Variants in SFXN1 observed in about 807,000 individuals in gnomAD.
The protein encoded by SFXN1 is sideroflexin 1.
SFXN1 carries 32 observed loss-of-function variants against 39.5 expected under a neutral mutation model. The observed-to-expected ratio is 0.81, with a 90% CI of 0.61 to 1.09. SFXN1 has a LOEUF of 1.09. SFXN1 is among the 50% of genes least tolerant of loss of function. SFXN1 has a pLI of 0.00. For synonymous variants in SFXN1, 136 were observed against 146.5 expected (o/e 0.93, Z 0.52); for missense variants, 402 against 407.1 (o/e 0.99, Z 0.11).
intron 9 of SFXN1, 103 bp downstream of exon 9, chr5:175,522,071 GC>G: frequency 2.1e-6 from 2 of 962,240 alleles, no homozygotes; most frequent in South Asian, 1.7e-5. Flanking sequence ...TGAAAATGAG[GC>G]CATCTCAGAA....
At chr5:175,502,223 G>T (rs1587177) in intron 2 of SFXN1, among the ~76,000 whole-genome samples, 8,330 of 152,190 alleles carry the variant, frequency 0.055, 752 homozygotes, top group African/African-American at 0.19. Context: ...AATTTGGGGA[G>T]GTTCAGATTC....
At chr5:175,524,943 A>G (rs1249806388) in intron 10 of SFXN1, among the ~76,000 whole-genome samples, 1 of 152,246 alleles carries the variant, frequency 6.6e-6, no homozygotes, top group African/African-American at 2.4e-5. Context: ...CAAAGCTGAA[A>G]AATTAGAAAG....
intron 1 of SFXN1, among the ~76,000 whole-genome samples, chr5:175,481,468 C>T (rs901071184): frequency 3.3e-5 from 5 of 152,170 alleles, no homozygotes; most frequent in Non-Finnish European, 5.9e-5. Flanking sequence ...ATTGCAGGTG[C>T]GTGCCACCAT....
intron 10 of SFXN1, chr5:175,523,662 A>T (rs1760947226): frequency 6.6e-6 from 1 of 152,188 alleles, no homozygotes; most frequent in Non-Finnish European, 1.5e-5. Flanking sequence ...CAAGAAATAA[A>T]ATATAGCCCA....
At chr5:175,489,685 C>T (rs1318310977) in intron 1 of SFXN1, among the ~76,000 whole-genome samples, 1 of 152,090 alleles carries the variant, frequency 6.6e-6, no homozygotes, top group Non-Finnish European at 1.5e-5. Context: ...GGTTCTGATC[C>T]AGTGGAACAC....
intron 2 of SFXN1, among the ~76,000 whole-genome samples, chr5:175,506,364 G>A (rs1289290252): frequency 6.6e-6 from 1 of 151,782 alleles, no homozygotes; most frequent in African/African-American, 2.4e-5. Context: ...AAATAACAAT[G>A]ATGCTGCTGT....
intron 2 of SFXN1, among the ~76,000 whole-genome samples, chr5:175,498,981 G>A (rs916994490): frequency 5.9e-5 from 9 of 152,150 alleles, no homozygotes; most frequent in Non-Finnish European, 1.0e-4. Context: ...CCAGCCAGGC[G>A]CAATGGCTCA....
intron 4 of SFXN1, among the ~76,000 whole-genome samples, chr5:175,511,079 A>T (rs973861613): frequency 1.3e-5 from 2 of 152,212 alleles, no homozygotes; most frequent in South Asian, 2.1e-4. Flanking sequence ...ATTTTTAAGC[A>T]AATATGCCCC....
At chr5:175,479,341 T>C (rs1759145323) in intron 1 of SFXN1, among the ~76,000 whole-genome samples, 3 of 152,298 alleles carry the variant, frequency 2.0e-5, no homozygotes, top group African/African-American at 2.4e-5. Flanking sequence ...TACTGGGTGT[T>C]GGCTCTATAA....
chr5:175,496,140 C>T (rs977535448), intron 2 of SFXN1, among the ~76,000 whole-genome samples: 4 of 151,968 alleles, frequency 2.6e-5, no homozygotes, highest in Admixed American at 6.6e-5. Flanking sequence ...TCAAGTGATC[C>T]GCCCTCCTCA....
intron 1 of SFXN1, among the ~76,000 whole-genome samples, chr5:175,482,735 G>A (rs1759298238): frequency 6.6e-6 from 1 of 152,200 alleles, no homozygotes; most frequent in Non-Finnish European, 1.5e-5. Context: ...ATAGATGACA[G>A]AATTGAGGCT....
At chr5:175,513,655 C>T (rs935767676) in intron 7 of SFXN1, 65 bp downstream of exon 7, 12 of 1,566,100 alleles carry the variant, frequency 7.7e-6, no homozygotes, top group African/African-American at 4.1e-5. Flanking sequence ...GATCCGTGAA[C>T]CAGAAAACAA....
At chr5:175,510,869 A>C (rs1277642077) in intron 4 of SFXN1, among the ~76,000 whole-genome samples, 1 of 152,232 alleles carries the variant, frequency 6.6e-6, no homozygotes, top group East Asian at 1.9e-4. Flanking sequence ...TACTATTGTT[A>C]TATGGAACAA....
In SFXN1 at chr5:175,516,669, C is replaced by T; in HGVS notation, c.774+6C>T. 1 of 1,611,916 alleles carries T rather than the reference C, an allele frequency of 6.2e-7. No individual in the cohort carries two copies. Among genetic ancestry groups the T allele is most frequent in the Admixed American group, 1.7e-5 (1 of 59,786 alleles). ...AAAAGAAAGCCTTTTTGAAGGTAAG[C>T]TGTGGTTCTTTTGTCATTTTCTCAA... On this transcript the variant is annotated splice_donor_region_variant and intron_variant, in intron 8 of 10. Coordinates refer to ENST00000321442, the MANE Select transcript of SFXN1 (RefSeq NM_022754.7).
rs1760889297 is a variant in SFXN1 at position 175,521,863 on chromosome 5, A to T, written c.775-56A>T. On this transcript the variant is annotated intron_variant, in intron 8 of 10. Transcript: ENST00000321442. Reference sequence around the variant, plus strand: ...GGTTCCTTCCAGTTAATCAGAAGATATTGCCTCTAAGACCCTGTATAAAAA... The same window carrying T: ...GGTTCCTTCCAGTTAATCAGAAGATTTTGCCTCTAAGACCCTGTATAAAAA... The T allele has an allele frequency of 5.2e-6, 7 of 1,347,974 alleles. No individual in the cohort carries two copies. In the South Asian group the frequency reaches 1.0e-4, roughly 20 times the overall value. 83.5% of individuals were successfully genotyped at this position (1,347,974 alleles called of 1,614,324 possible). A position where few individuals can be genotyped will look rare whatever the true frequency, so the allele number is the denominator to read the frequency against.
chr5:175,524,119 AAAAAAAATATATAT>A (rs1413927259), intron 10 of SFXN1: 22 of 38,560 alleles, frequency 5.7e-4, no homozygotes, highest in Non-Finnish European at 8.0e-4. Flanking sequence ...AAAAAAAAAA[AAAAAAAATATATAT>A]ATATATATAT....
In SFXN1 at chr5:175,503,671, G is replaced by A. The variant is rs113022162; in HGVS notation, c.165-5361G>A. On this transcript the variant is annotated intron_variant, in intron 2 of 10. Coordinates refer to ENST00000321442, the MANE Select transcript of SFXN1 (RefSeq NM_022754.7). ...GTAGTGAGCAATGCACGAAATAATG[G>A]AACACTAGAGCTGAACTTCCCAAAA... Among the ~76,000 whole-genome samples the A allele has an allele frequency of 6.9e-4, 105 of 152,212 alleles. 1 individual carries two copies. Among genetic ancestry groups the A allele is most frequent in the African/African-American group, 2.3e-3 (95 of 41,534 alleles).
chr5:175,524,166 A>G (rs1025107966), intron 10 of SFXN1: 5 of 129,524 alleles, frequency 3.9e-5, no homozygotes, highest in African/African-American at 1.4e-4. Flanking sequence ...ATATATATAT[A>G]TATATCTCCA....
intron 2 of SFXN1, among the ~76,000 whole-genome samples, chr5:175,506,112 T>C (rs1760283532): frequency 6.6e-6 from 1 of 152,174 alleles, no homozygotes; most frequent in Non-Finnish European, 1.5e-5. Context: ...GCCATTGTGC[T>C]CGGTCCACAT....
Sources: allele counts gnomAD v4.1 joint callset (sites outside exome capture counted in the v4.1 genomes callset), GRCh38; gene constraint gnomAD v4.1.1; transcripts MANE v1.5; gene names NCBI Gene and HGNC (gene_info 2026-07-23, HGNC 2026-07-21).